The following MPDZ variants were observed in gnomAD, a reference collection of about 807,000 sequenced individuals.
The protein encoded by MPDZ is multiple PDZ domain crumbs cell polarity complex component.
Under a neutral mutation model 239.1 loss-of-function variants are expected in MPDZ, and 234 were observed. The ratio of observed to expected loss-of-function variants is 0.98; its 90% CI spans 0.88 to 1.09. MPDZ has a LOEUF of 1.09. MPDZ is among the 50% of genes least tolerant of loss of function. MPDZ has a pLI of 0.00. For synonymous variants in MPDZ, 1,048 were observed against 881.3 expected (o/e 1.19, Z -3.35); for missense variants, 3,175 against 2,510.0 (o/e 1.26, Z -5.66).
chr9:13,175,800 C>G lies in MPDZ; in HGVS notation c.3007G>C (p.Glu1003Gln). ...ATATTAATAGTCCTTTCAAAAGATT[C>G]TTTAGATACATTTTGAAGCATGACA... Reference protein sequence around the residue: ...ECVMLQNVSKESFERTINIAK... With the variant: ...ECVMLQNVSKQSFERTINIAK... The change falls in exon 21 of 47, where the codon GAA becomes CAA. Residue 1003 changes from glutamate (E) to glutamine (Q), a missense_variant. Transcript: ENST00000319217. 6.3e-7 allele frequency: 1 copy of G among 1,578,842 alleles called. No homozygotes were observed. The highest frequency in any genetic ancestry group is 8.6e-7 in the Non-Finnish European group (1 of 1,161,130).
intron 22 of MPDZ, chr9:13,165,381 T>G: frequency 6.5e-7 from 1 of 1,549,632 alleles, no homozygotes. Context: ...AAAAGGGGGC[T>G]CGATCGTCAG....
At chr9:13,119,762 A>C in intron 38 of MPDZ, 113 bp from the exon 39 acceptor site, 1 of 1,262,942 alleles carries the variant, frequency 7.9e-7, no homozygotes, top group South Asian at 1.3e-5. Context: ...ATGACTTTAA[A>C]AGTTTTGTTA....
chr9:13,139,080 A>G (rs928839203), intron 28 of MPDZ, among the ~76,000 whole-genome samples: 1 of 152,200 alleles, frequency 6.6e-6, no homozygotes, highest in African/African-American at 2.4e-5. Flanking sequence ...AAAACTACAA[A>G]CTTTACCAGT....
intron 23 of MPDZ, among the ~76,000 whole-genome samples, chr9:13,161,240 C>T (rs947635845): frequency 1.3e-5 from 2 of 151,866 alleles, no homozygotes; most frequent in African/African-American, 2.4e-5. Context: ...CACTGGAGAC[C>T]GTGGTGTTCT....
At chr9:13,181,993 C>A (rs374289833) in intron 19 of MPDZ, among the ~76,000 whole-genome samples, 22 of 152,048 alleles carry the variant, frequency 1.4e-4, no homozygotes, top group African/African-American at 5.3e-4. Context: ...CAAGATTATA[C>A]CTTGCAAACC....
intron 3 of MPDZ, among the ~76,000 whole-genome samples, chr9:13,239,670 C>T (rs1964903658): frequency 1.3e-5 from 2 of 152,200 alleles, no homozygotes; most frequent in South Asian, 4.2e-4. Flanking sequence ...CTCATGCATT[C>T]ATTTATTAAG....
intron 31 of MPDZ, 26 bp downstream of exon 31, chr9:13,136,066 G>A (rs764830791): frequency 1.4e-6 from 2 of 1,457,794 alleles, no homozygotes; most frequent in Admixed American, 3.5e-5. Flanking sequence ...AGTCTTCCCA[G>A]AGAAACAAAC....
chr9:13,216,933 C>A, intron 9 of MPDZ, 71 bp from the exon 10 acceptor site: 1 of 1,170,086 alleles, frequency 8.5e-7, no homozygotes, highest in Non-Finnish European at 1.2e-6. Flanking sequence ...TTCGATTCTC[C>A]AACTATAAAG....
At chr9:13,133,626 C>T (rs914887282) in intron 32 of MPDZ, among the ~76,000 whole-genome samples, 198 bp downstream of exon 32, 10 of 152,186 alleles carry the variant, frequency 6.6e-5, no homozygotes, top group Non-Finnish European at 1.3e-4. Flanking sequence ...TCTAATAAAA[C>T]ACAAACTTCT....
chr9:13,123,260 C>G lies in MPDZ; in HGVS notation c.4846G>C (p.Asp1616His). The G allele has an allele frequency of 6.2e-7, 1 of 1,612,866 alleles. No homozygotes were observed. The highest frequency in any genetic ancestry group is 8.5e-7 in the Non-Finnish European group (1 of 1,179,516). The change falls in exon 36 of 47, where the codon GAT (aspartate) becomes CAT (histidine). Residue 1616 changes from aspartate to histidine, a missense_variant. By Grantham distance (81) the Asp-to-His change is moderately conservative (BLOSUM62 -1). Transcript: ENST00000319217. ...RSSTPAIFAS[D>H]PATCPIIPGC... ...GGGATAATGGGGCAGGTTGCAGGAT[C>G]AGAAGCAAAAATTGCTGGTGTTGAT...
At chr9:13,166,746 T>C (rs1021900267) in intron 22 of MPDZ, among the ~76,000 whole-genome samples, 1 of 151,976 alleles carries the variant, frequency 6.6e-6, no homozygotes, top group Non-Finnish European at 1.5e-5. Flanking sequence ...GCCCACATGA[T>C]AGGGTAAATT....
At chr9:13,261,886 A>T (rs1242902469) in intron 1 of MPDZ, among the ~76,000 whole-genome samples, 1 of 114,342 alleles carries the variant, frequency 8.7e-6, no homozygotes, top group Non-Finnish European at 1.9e-5. Context: ...AAAAAAAAAA[A>T]TTGTTAAAAT....
intron 1 of MPDZ, among the ~76,000 whole-genome samples, chr9:13,268,661 G>A (rs376795156): frequency 3.9e-5 from 6 of 152,188 alleles, no homozygotes; most frequent in African/African-American, 9.7e-5. Flanking sequence ...AGTATGAGCC[G>A]ATAAGGAGAG....
intron 28 of MPDZ, among the ~76,000 whole-genome samples, chr9:13,139,287 T>C (rs1280858204): frequency 6.6e-6 from 1 of 152,226 alleles, no homozygotes; most frequent in Non-Finnish European, 1.5e-5. Context: ...AATAAAACTT[T>C]TTAAAACAAT....
chr9:13,165,448 G>C (rs912615461), intron 22 of MPDZ: 2 of 1,546,490 alleles, frequency 1.3e-6, no homozygotes, highest in African/African-American at 1.4e-5. Flanking sequence ...TTTTTACAAT[G>C]GTGTTAACAA....
chr9:13,230,099 T>A (rs574086955), intron 3 of MPDZ, among the ~76,000 whole-genome samples: 1 of 152,150 alleles, frequency 6.6e-6, no homozygotes, highest in Non-Finnish European at 1.5e-5. Context: ...TTTAGCATCA[T>A]TAGCCATTAA....
At position 13,121,818 on chromosome 9, in the gene MPDZ, C is replaced by A; in HGVS notation, c.5152G>T (p.Glu1718Ter). Residue 1718 changes from glutamate to a stop codon, truncating the protein, a stop_gained, in exon 38 of 47, where the codon GAG becomes TAG. Transcript: ENST00000319217. LOFTEE classifies it high-confidence loss of function. Reference protein sequence around the residue: ...LYRDEAPYKEEEVCDTLTIEL... With the variant: ...LYRDEAPYKE ...ATAGTGAGGGTGTCACACACTTCCTCCTCTTTGTATGGGGCCTCATCTCTG... is the reference window on the plus strand; with the variant it reads ...ATAGTGAGGGTGTCACACACTTCCTACTCTTTGTATGGGGCCTCATCTCTG... The A allele has an allele frequency of 6.2e-7, 1 of 1,613,948 alleles. No homozygotes were observed. Among genetic ancestry groups the A allele is most frequent in the East Asian group, 2.2e-5 (1 of 44,876 alleles).
chr9:13,175,959 CTAAT>C, intron 20 of MPDZ, 84 bp from the exon 21 acceptor site: 1 of 1,481,700 alleles, frequency 6.7e-7, no homozygotes, highest in Admixed American at 2.5e-5. Flanking sequence ...CGCATGTTCT[CTAAT>C]TGATTGTGCT....
In MPDZ at chr9:13,188,475, G is replaced by A. The variant is rs182885369; in HGVS notation, c.2364+309C>T. 1.8e-4 allele frequency among the ~76,000 whole-genome samples: 28 copies of A among 152,050 alleles called. 1 individual carries two copies. Among genetic ancestry groups the A allele is most frequent in the Admixed American group, 1.2e-3 (19 of 15,276 alleles). ...GGAGACTGCAATGAACCGAGATTTC[G>A]CCACTGCACTCCAGCCTGAGCAACA... On this transcript the variant is annotated intron_variant, in intron 17 of 46. Coordinates refer to ENST00000319217, the MANE Select transcript of MPDZ (RefSeq NM_001378778.1).
Sources: allele counts gnomAD v4.1 joint callset (sites outside exome capture counted in the v4.1 genomes callset), GRCh38; gene constraint gnomAD v4.1.1; transcripts MANE v1.5; gene names NCBI Gene and HGNC (gene_info 2026-07-23, HGNC 2026-07-21).